The following PRKCA variants were observed in gnomAD, a reference collection of about 807,000 sequenced individuals.
PRKCA encodes the protein protein kinase C alpha type.
A neutral mutation model predicts 87.0 loss-of-function variants in PRKCA; 27 were observed. The observed-to-expected ratio is 0.31, with a 90% confidence interval of 0.23 to 0.43. The LOEUF is 0.43. PRKCA is among the 20% of genes least tolerant of loss of function. The pLI is 1.00. For missense variants in PRKCA, 518 were observed against 852.3 expected (o/e 0.61, Z 4.88); for synonymous variants, 329 against 311.1 (o/e 1.06, Z -0.61).
intron 3 of PRKCA, among the ~76,000 whole-genome samples, chr17:66,552,162 G>T (rs1404441806): frequency 6.6e-6 from 1 of 152,058 alleles, no homozygotes; most frequent in Non-Finnish European, 1.5e-5. Context: ...GCTGGGCATG[G>T]TGGTACATGC....
chr17:66,641,244 G>A (rs1201880731), intron 3 of PRKCA, 111 bp from the exon 4 acceptor site: 14 of 673,950 alleles, frequency 2.1e-5, no homozygotes, highest in Non-Finnish European at 3.7e-5. Context: ...ACAGTCTGGT[G>A]TTATCGAACC....
chr17:66,764,647 G>T (rs989226185), intron 13 of PRKCA, among the ~76,000 whole-genome samples: 1 of 152,144 alleles, frequency 6.6e-6, no homozygotes, highest in South Asian at 2.1e-4. Context: ...GGCCTTGTTG[G>T]GGGTCTGTCT....
At position 66,531,946 on chromosome 17, in the gene PRKCA, T is replaced by G. The variant is rs568209952; in HGVS notation, c.288+35663T>G. Among the ~76,000 whole-genome samples, 38 of 152,304 alleles carry G rather than the reference T, an allele frequency of 2.5e-4. No homozygotes were observed. The East Asian group carries it at 5.0e-3, about 20-fold the overall frequency. ...ATTTGATTTTCCCAGAGAGGAGCTG[T>G]GTTCGGCTTCTAGGCTGAGGAGCTA... On this transcript the variant is annotated intron_variant, in intron 3 of 16. Transcript: ENST00000413366.
At chr17:66,615,600 A>G (rs1001433662) in intron 3 of PRKCA, among the ~76,000 whole-genome samples, 2 of 152,166 alleles carry the variant, frequency 1.3e-5, no homozygotes, top group Non-Finnish European at 2.9e-5. Context: ...ATCACCTGCC[A>G]CTGTAGCATT....
chr17:66,421,428 GT>G (rs55825622), intron 2 of PRKCA, among the ~76,000 whole-genome samples: 14,787 of 116,640 alleles, frequency 0.13, 1,519 homozygotes, highest in African/African-American at 0.3. Flanking sequence ...CACAGCCTCT[GT>G]TTTTTTTTTT....
intron 5 of PRKCA, among the ~76,000 whole-genome samples, chr17:66,671,477 A>G (rs1032678761): frequency 6.6e-6 from 1 of 152,124 alleles, no homozygotes; most frequent in Admixed American, 6.6e-5. Context: ...AGGTTAGTTA[A>G]TATGTCCAAG....
chr17:66,456,511 G>A (rs927467007), intron 2 of PRKCA, among the ~76,000 whole-genome samples: 13 of 152,156 alleles, frequency 8.5e-5, no homozygotes, highest in African/African-American at 3.1e-4. Flanking sequence ...CAGATGTGAT[G>A]CCCAGGTGTT....
intron 2 of PRKCA, among the ~76,000 whole-genome samples, chr17:66,437,560 A>T (rs1169498711): frequency 2.0e-5 from 3 of 152,096 alleles, no homozygotes; most frequent in African/African-American, 7.2e-5. Context: ...ACTGACAGAT[A>T]GGGTGTCTTT....
chr17:66,735,439 C>T, intron 9 of PRKCA, 50 bp from the exon 10 acceptor site: 5 of 1,610,342 alleles, frequency 3.1e-6, no homozygotes, highest in Non-Finnish European at 4.2e-6. Flanking sequence ...CCCTCTGCCC[C>T]CCAAGATATG....
intron 2 of PRKCA, among the ~76,000 whole-genome samples, chr17:66,390,567 G>C (rs761716617): frequency 1.3e-5 from 2 of 152,132 alleles, no homozygotes; most frequent in Non-Finnish European, 2.9e-5. Context: ...ATGGAGAGGA[G>C]ATGCCATGAA....
intron 2 of PRKCA, among the ~76,000 whole-genome samples, chr17:66,432,520 CA>C (rs1192289817): frequency 2.6e-5 from 4 of 152,054 alleles, no homozygotes; most frequent in African/African-American, 9.7e-5. Flanking sequence ...ATTTTATTTT[CA>C]GGGGGTCTGA....
intron 2 of PRKCA, among the ~76,000 whole-genome samples, chr17:66,329,663 G>A (rs1906205108): frequency 6.6e-6 from 1 of 152,216 alleles, no homozygotes; most frequent in African/African-American, 2.4e-5. Context: ...TTAAGCAGGA[G>A]GTCCCTACTG....
At chr17:66,678,665 G>GA (rs34094513) in intron 5 of PRKCA, among the ~76,000 whole-genome samples, 8,272 of 138,800 alleles carry the variant, frequency 0.06, 762 homozygotes, top group African/African-American at 0.2. Flanking sequence ...CTTGTTGACT[G>GA]AAAAAAAAAA....
intron 2 of PRKCA, among the ~76,000 whole-genome samples, chr17:66,491,979 A>G (rs1217216063): frequency 6.6e-6 from 1 of 151,792 alleles, no homozygotes; most frequent in Non-Finnish European, 1.5e-5. Flanking sequence ...GGTGTTGGGG[A>G]GGAGAGGGGG....
At chr17:66,390,229 G>GA (rs56160498) in intron 2 of PRKCA, among the ~76,000 whole-genome samples, 18 of 151,388 alleles carry the variant, frequency 1.2e-4, no homozygotes, top group South Asian at 6.3e-4. Context: ...TCTCAAAAAA[G>GA]AAAAAAAAAA....
intron 8 of PRKCA, among the ~76,000 whole-genome samples, chr17:66,692,911 G>T (rs761396683): frequency 2.0e-5 from 3 of 152,202 alleles, no homozygotes; most frequent in Non-Finnish European, 4.4e-5. Context: ...GCATCACTCA[G>T]TGGGATCACA....
chr17:66,752,128 G>C (rs1974445276), intron 13 of PRKCA, among the ~76,000 whole-genome samples: 1 of 152,138 alleles, frequency 6.6e-6, no homozygotes. Flanking sequence ...CTGTATAATA[G>C]GGTATAATCA....
intron 13 of PRKCA, among the ~76,000 whole-genome samples, chr17:66,760,148 C>A (rs993378347): frequency 6.6e-6 from 1 of 152,142 alleles, no homozygotes; most frequent in Admixed American, 6.5e-5. Context: ...CAATATAGAC[C>A]ACATTCTGTG....
In PRKCA at chr17:66,336,147, T is replaced by C. The variant is rs564134299; in HGVS notation, c.205+30020T>C. Among the ~76,000 whole-genome samples the C allele has an allele frequency of 2.0e-5, 3 of 152,270 alleles. No individual in the cohort carries two copies. The South Asian group carries it at 6.2e-4, about 32-fold the overall frequency. On this transcript the variant is annotated intron_variant, in intron 2 of 16. Transcript: ENST00000413366. ...TTAATAGTACCTGAAATATAGGGAGTGCTTCATATTTGTTGAATGAATTTG... is the reference window on the plus strand; with the variant it reads ...TTAATAGTACCTGAAATATAGGGAGCGCTTCATATTTGTTGAATGAATTTG...
Sources: allele counts gnomAD v4.1 joint callset (sites outside exome capture counted in the v4.1 genomes callset), GRCh38; gene constraint gnomAD v4.1.1; transcripts MANE v1.5; gene names NCBI Gene and HGNC (gene_info 2026-07-23, HGNC 2026-07-21).